Variants in PRKAR1A observed in about 807,000 individuals in gnomAD.
The protein encoded by PRKAR1A is cAMP-dependent protein kinase type I-alpha regulatory subunit.
Under a neutral mutation model 52.0 loss-of-function variants are expected in PRKAR1A, and 3 were observed. The observed-to-expected ratio is 0.06, with a 90% CI of 0.03 to 0.15. The LOEUF (loss-of-function observed/expected upper bound fraction) is 0.15, where lower values mean the gene tolerates loss of function less well. PRKAR1A is among the 10% of genes least tolerant of loss of function. The pLI is 1.00. For synonymous variants in PRKAR1A, 188 were observed against 168.4 expected (o/e 1.12, Z -0.90); for missense variants, 240 against 477.4 (o/e 0.50, Z 4.63).
At chr17:68,414,566 C>G in the PRKAR1A span, among the ~76,000 whole-genome samples, 1 of 152,114 alleles carries the variant, frequency 6.6e-6, no homozygotes, top group African/African-American at 2.4e-5. Context: ...GGAGGGTTCC[C>G]TCTTTGTCAT....
At chr17:68,469,332 A>C in the PRKAR1A span, among the ~76,000 whole-genome samples, 1 of 151,976 alleles carries the variant, frequency 6.6e-6, no homozygotes, top group African/African-American at 2.4e-5. Flanking sequence ...TTCTACCCCC[A>C]GGAGCTTTTT....
chr17:68,420,084 T>C, the PRKAR1A span: 1 of 1,313,308 alleles, frequency 7.6e-7, no homozygotes, highest in Non-Finnish European at 1.1e-6. Flanking sequence ...AACATTTGGT[T>C]ATCTGGTATG....
the PRKAR1A span, among the ~76,000 whole-genome samples, chr17:68,498,159 T>G: frequency 1.3e-5 from 2 of 152,176 alleles, no homozygotes; most frequent in Non-Finnish European, 2.9e-5. Context: ...CAAGTTTTCT[T>G]GGCAGCTGGT....
chr17:68,513,895 A>G (rs1327151451), intron 1 of PRKAR1A, among the ~76,000 whole-genome samples: 1 of 152,182 alleles, frequency 6.6e-6, no homozygotes, highest in African/African-American at 2.4e-5. Context: ...AATGTTCTTA[A>G]AATATGACAA....
chr17:68,484,656 G>C, the PRKAR1A span, among the ~76,000 whole-genome samples: 2 of 152,162 alleles, frequency 1.3e-5, no homozygotes, highest in African/African-American at 4.8e-5. Context: ...TCATCATTGA[G>C]TAAAATGTTC....
chr17:68,431,864 T>C, the PRKAR1A span, among the ~76,000 whole-genome samples: 1 of 151,258 alleles, frequency 6.6e-6, no homozygotes, highest in African/African-American at 2.5e-5. Flanking sequence ...GGAAAATCAA[T>C]CTCTGATAAT....
chr17:68,498,377 T>TA, the PRKAR1A span, among the ~76,000 whole-genome samples: 1 of 152,236 alleles, frequency 6.6e-6, no homozygotes, highest in Non-Finnish European at 1.5e-5. Flanking sequence ...TATTTGTTTT[T>TA]ATCCATATTT....
downstream of PRKAR1A, chr17:68,534,978 A>AT (rs939341816): frequency 2.1e-5 from 6 of 285,478 alleles, no homozygotes; most frequent in African/African-American, 1.1e-4. Flanking sequence ...AGAATGACTA[A>AT]TTTTTTTGTA....
chr17:68,435,067 C>T, the PRKAR1A span, among the ~76,000 whole-genome samples: 5 of 152,154 alleles, frequency 3.3e-5, no homozygotes, highest in African/African-American at 4.8e-5. Flanking sequence ...ATTAGCCAGG[C>T]GTGGCAGCAT....
At chr17:68,457,350 C>T in the PRKAR1A span, 8 of 1,545,664 alleles carry the variant, frequency 5.2e-6, no homozygotes, top group Non-Finnish European at 7.0e-6. Context: ...ACGTGCAGTC[C>T]TGGTTGAAAG....
At chr17:68,420,488 A>G in the PRKAR1A span, 1 of 1,598,606 alleles carries the variant, frequency 6.3e-7, no homozygotes, top group South Asian at 1.1e-5. Context: ...TTCCACGAGG[A>G]GGAGTACCTG....
chr17:68,434,771 T>G, the PRKAR1A span: 1 of 746,556 alleles, frequency 1.3e-6, no homozygotes, highest in Non-Finnish European at 2.2e-6. Context: ...GCATGTTTAT[T>G]TATGTGCCAT....
chr17:68,541,832 C>G (rs2086310373), intron 11 of PRKAR1A: 2 of 898,820 alleles, frequency 2.2e-6, no homozygotes. Flanking sequence ...GAGAACAGAC[C>G]CAGGCCTGCT....
In PRKAR1A at chr17:68,530,532, G is replaced by C. The variant is rs2085947153; in HGVS notation, c.*83G>C. On this transcript the variant is annotated 3_prime_UTR_variant, in exon 11 of 11. Transcript: ENST00000589228. Reference sequence around the variant, plus strand: ...AACTGCTTTATTTTCCCTACTTGCAGCGCCAAGTGGCCACTGGCATCGCAG... The same window carrying C: ...AACTGCTTTATTTTCCCTACTTGCACCGCCAAGTGGCCACTGGCATCGCAG... The C allele has an allele frequency of 6.2e-6, 10 of 1,610,602 alleles. No homozygotes were observed. The South Asian group carries it at 1.1e-4, about 18-fold the overall frequency.
chr17:68,528,316 G>A (rs1036263748), intron 8 of PRKAR1A, among the ~76,000 whole-genome samples: 2 of 152,184 alleles, frequency 1.3e-5, no homozygotes, highest in Non-Finnish European at 2.9e-5. Flanking sequence ...ATTTTTATAA[G>A]GTAACAGGCT....
At chr17:68,469,140 A>G in the PRKAR1A span, among the ~76,000 whole-genome samples, 1 of 152,114 alleles carries the variant, frequency 6.6e-6, no homozygotes, top group East Asian at 1.9e-4. Context: ...CATTTTTTTA[A>G]AAAAAGAGAT....
downstream of PRKAR1A, chr17:68,535,777 G>A (rs1028707400): frequency 2.6e-5 from 12 of 453,442 alleles, no homozygotes; most frequent in Non-Finnish European, 4.4e-5. Context: ...CCAAAGTGCT[G>A]GGATTACAGG....
chr17:68,430,973 C>G, the PRKAR1A span, among the ~76,000 whole-genome samples: 2 of 152,120 alleles, frequency 1.3e-5, no homozygotes, highest in Admixed American at 1.3e-4. Context: ...GGTCTTTGGA[C>G]AAACCTCTCT....
upstream of PRKAR1A, among the ~76,000 whole-genome samples, chr17:68,509,616 A>G (rs2143067030): frequency 6.6e-6 from 1 of 152,318 alleles, no homozygotes; most frequent in South Asian, 2.1e-4. Context: ...CAGTGGAACA[A>G]ATGTCATTTC....
Sources: gnomAD v4.1 joint callset for allele counts (sites outside exome capture counted in the v4.1 genomes callset) on GRCh38, gnomAD v4.1.1 for gene constraint, MANE v1.5 for transcripts, NCBI Gene and HGNC (gene_info 2026-07-23, HGNC 2026-07-21) for gene names.